Variants in KIAA1217 observed in about 807,000 individuals in gnomAD.
KIAA1217 encodes KIAA1217.
A neutral mutation model predicts 163.9 loss-of-function variants in KIAA1217; 88 were observed. The ratio of observed to expected loss-of-function variants is 0.54; its 90% CI spans 0.45 to 0.64. KIAA1217 has a LOEUF of 0.64. Ranked by LOEUF, KIAA1217 falls within the 30% of genes least tolerant of loss-of-function variation. The pLI, the probability that KIAA1217 is intolerant of heterozygous loss-of-function variation, is 0.00. For synonymous variants in KIAA1217, 903 were observed against 923.1 expected (o/e 0.98, Z 0.39); for missense variants, 2,372 against 2,475.0 (o/e 0.96, Z 0.88).
intron 1 of KIAA1217, among the ~76,000 whole-genome samples, chr10:23,818,006 T>TACAC (rs1465898830): frequency 1.0e-5 from 1 of 96,982 alleles, no homozygotes; most frequent in Non-Finnish European, 2.0e-5. Flanking sequence ...TATATATATA[T>TACAC]ATACACACAT....
intron 1 of KIAA1217, among the ~76,000 whole-genome samples, chr10:23,792,301 T>C (rs1835986033): frequency 6.6e-6 from 1 of 152,318 alleles, no homozygotes; most frequent in Non-Finnish European, 1.5e-5. Context: ...AAGCCTGCTA[T>C]TTAAGGAAAA....
At chr10:23,906,468 G>C (rs1842168329) in intron 1 of KIAA1217, among the ~76,000 whole-genome samples, 1 of 152,090 alleles carries the variant, frequency 6.6e-6, no homozygotes. Flanking sequence ...GTTTTTTATT[G>C]TTATGTGTGT....
intron 2 of KIAA1217, among the ~76,000 whole-genome samples, chr10:24,276,238 T>C (rs140685710): frequency 0.018 from 2,769 of 152,332 alleles, 47 homozygotes; most frequent in Middle Eastern, 0.027. Context: ...ATCCATCTTA[T>C]TGATGCCATT....
chr10:24,130,977 A>C (rs1021862075), intron 2 of KIAA1217, among the ~76,000 whole-genome samples: 6 of 152,228 alleles, frequency 3.9e-5, no homozygotes, highest in African/African-American at 1.4e-4. Flanking sequence ...AAGATTGGTG[A>C]GATAGTGATT....
At chr10:23,801,688 C>T (rs1836474644) in intron 1 of KIAA1217, among the ~76,000 whole-genome samples, 1 of 152,178 alleles carries the variant, frequency 6.6e-6, no homozygotes, top group Non-Finnish European at 1.5e-5. Context: ...TCTGCACAGA[C>T]ACCCCAGGTG....
chr10:23,975,965 G>A (rs1194684116), intron 1 of KIAA1217, among the ~76,000 whole-genome samples: 1 of 152,100 alleles, frequency 6.6e-6, no homozygotes, highest in Non-Finnish European at 1.5e-5. Context: ...GAGCTCACTA[G>A]TCTATGTAGG....
chr10:24,377,687 T>C (rs1277110234), intron 2 of KIAA1217, among the ~76,000 whole-genome samples: 1 of 152,110 alleles, frequency 6.6e-6, no homozygotes, highest in African/African-American at 2.4e-5. Flanking sequence ...CCCTCATAAA[T>C]TTGGGGGAAA....
chr10:24,064,886 A>C (rs2060877694), intron 2 of KIAA1217, among the ~76,000 whole-genome samples: 1 of 152,202 alleles, frequency 6.6e-6, no homozygotes, highest in Middle Eastern at 3.2e-3. Flanking sequence ...GTATGTGTCG[A>C]GGAATTTATC....
At chr10:23,910,039 A>G (rs1219876535) in intron 1 of KIAA1217, among the ~76,000 whole-genome samples, 1 of 152,068 alleles carries the variant, frequency 6.6e-6, no homozygotes, top group African/African-American at 2.4e-5. Flanking sequence ...CGTTTCTCTA[A>G]TGACCATTGA....
chr10:24,424,635 C>T (rs4626966), intron 3 of KIAA1217, among the ~76,000 whole-genome samples: 12,219 of 152,238 alleles, frequency 0.08, 490 homozygotes, highest in African/African-American at 0.097. Context: ...GACGGAGTCT[C>T]ACTCTGTCGC....
At chr10:24,292,807 T>C (rs914031626) in intron 2 of KIAA1217, among the ~76,000 whole-genome samples, 2 of 151,826 alleles carry the variant, frequency 1.3e-5, no homozygotes, top group African/African-American at 4.8e-5. Flanking sequence ...CTGCAAAGTG[T>C]GGCCGCTACT....
chr10:24,083,686 T>C (rs1422936309), intron 2 of KIAA1217, among the ~76,000 whole-genome samples: 1 of 152,178 alleles, frequency 6.6e-6, no homozygotes, highest in Non-Finnish European at 1.5e-5. Flanking sequence ...TATGGTGGCC[T>C]AATAGGTGAA....
At chr10:24,214,850 A>T (rs1053634565) in intron 1 of KIAA1217, among the ~76,000 whole-genome samples, 2 of 152,226 alleles carry the variant, frequency 1.3e-5, no homozygotes, top group Non-Finnish European at 2.9e-5. Context: ...CAGGGAAGCC[A>T]TCAGCACTGT....
chr10:24,300,397 T>G (rs941331826), intron 2 of KIAA1217, among the ~76,000 whole-genome samples: 9 of 152,164 alleles, frequency 5.9e-5, no homozygotes, highest in Admixed American at 4.6e-4. Flanking sequence ...CACCTCGATT[T>G]GCTTGTCACA....
intron 6 of KIAA1217, among the ~76,000 whole-genome samples, chr10:24,484,241 A>ATTTT (rs59233394): frequency 1.3e-3 from 95 of 75,148 alleles, no homozygotes; most frequent in African/African-American, 3.7e-3. Flanking sequence ...ATATATATAT[A>ATTTT]TTTTTTTTTT....
intron 2 of KIAA1217, among the ~76,000 whole-genome samples, chr10:24,154,577 G>C (rs2064791386): frequency 6.6e-6 from 1 of 152,096 alleles, no homozygotes; most frequent in Admixed American, 6.6e-5. Flanking sequence ...CATAGAGATA[G>C]AAAGTAGAGA....
chr10:24,501,773 T>C lies in KIAA1217; in HGVS notation c.2001+228T>C, dbSNP rs537660205. Among the ~76,000 whole-genome samples, 952 of 128,378 alleles carry C rather than the reference T, an allele frequency of 7.4e-3. 12 individuals are homozygous for C. Among genetic ancestry groups the C allele is most frequent in the African/African-American group, 0.026 (920 of 35,516 alleles). The allele number at this position is 128,378 out of a possible 152,430, so 84.2% of individuals were successfully genotyped here. ...TTTTTTTTTTTTTTTTTTTGAGACG[T>C]AGTCTCGCTTTGTCCCCCAGGCTGG... On this transcript the variant is annotated intron_variant, in intron 9 of 20. Coordinates refer to ENST00000376454, the MANE Select transcript of KIAA1217 (RefSeq NM_019590.5).
chr10:24,026,726 A>G (rs1033163896), intron 2 of KIAA1217, among the ~76,000 whole-genome samples: 42 of 75,194 alleles, frequency 5.6e-4, no homozygotes, highest in Admixed American at 9.5e-4. Flanking sequence ...ATTGCTTTCT[A>G]TTATCTATTT....
At chr10:24,288,225 C>T (rs1041791705) in intron 2 of KIAA1217, among the ~76,000 whole-genome samples, 1 of 152,226 alleles carries the variant, frequency 6.6e-6, no homozygotes, top group Admixed American at 6.5e-5. Context: ...ATTATGATTG[C>T]TTTTCTTCCT....
Sources: gnomAD v4.1 joint callset for allele counts (sites outside exome capture counted in the v4.1 genomes callset) on GRCh38, gnomAD v4.1.1 for gene constraint, MANE v1.5 for transcripts, NCBI Gene and HGNC (gene_info 2026-07-23, HGNC 2026-07-21) for gene names.